The following TMEM232 variants were observed in gnomAD, a reference collection of about 807,000 sequenced individuals.
The protein encoded by TMEM232 is transmembrane protein 232.
TMEM232 carries 80 observed loss-of-function variants against 78.8 expected under a neutral mutation model. The observed-to-expected ratio is 1.01, with a 90% CI of 0.85 to 1.22. TMEM232 has a LOEUF of 1.22. TMEM232 is among the 50% of genes most tolerant of loss of function. The probability of loss-of-function intolerance (pLI) is 0.00; values close to 1 mark genes in which losing one functional copy is unlikely to be tolerated. For synonymous variants in TMEM232, 297 were observed against 254.3 expected (o/e 1.17, Z -1.60); for missense variants, 881 against 742.2 (o/e 1.19, Z -2.17).
At chr5:110,667,423 T>C (rs1402069410) in intron 1 of TMEM232, 59 bp from the exon 2 acceptor site, 2 of 1,291,572 alleles carry the variant, frequency 1.5e-6, no homozygotes, top group Non-Finnish European at 2.0e-6. Flanking sequence ...TCAAACAACA[T>C]GTTATGCAAA....
intron 10 of TMEM232, among the ~76,000 whole-genome samples, chr5:110,600,371 G>A: frequency 6.6e-6 from 1 of 152,082 alleles, no homozygotes; most frequent in South Asian, 2.1e-4. Flanking sequence ...AATGAATCCA[G>A]GAGCTGGTTT....
At chr5:110,625,507 A>C in intron 6 of TMEM232, 74 bp from the exon 7 acceptor site, 1 of 1,317,246 alleles carries the variant, frequency 7.6e-7, no homozygotes, top group East Asian at 2.7e-5. Flanking sequence ...TCTTTTAGCT[A>C]TTAAACTATA....
At chr5:110,644,374 A>G (rs1045288514) in intron 2 of TMEM232, among the ~76,000 whole-genome samples, 8 of 151,956 alleles carry the variant, frequency 5.3e-5, no homozygotes, top group Admixed American at 3.3e-4. Flanking sequence ...TAATATCATT[A>G]GGAATTATGT....
intron 7 of TMEM232, among the ~76,000 whole-genome samples, chr5:110,618,939 A>G (rs1185388980): frequency 6.6e-6 from 1 of 152,218 alleles, no homozygotes; most frequent in Admixed American, 6.5e-5. Context: ...AAATGCTAAC[A>G]GCAAATTATG....
rs559155681 is a variant in TMEM232 at position 110,671,929 on chromosome 5, T to C, written c.-12-4565A>G. Among the ~76,000 whole-genome samples, 807 of 152,188 alleles carry C rather than the reference T, an allele frequency of 5.3e-3. 1 individual carries two copies. Among genetic ancestry groups the C allele is most frequent in the Non-Finnish European group, 7.9e-3 (535 of 68,002 alleles). ...CCCACTATTCACAAAATATTGCATA[T>C]ATCAGAAATATCTAGAAATATAAAA... On this transcript the variant is annotated intron_variant, in intron 1 of 13. Transcript: ENST00000455884.
At chr5:110,667,152 A>ATT in intron 2 of TMEM232, 76 bp downstream of exon 2, 13 of 1,169,020 alleles carry the variant, frequency 1.1e-5, no homozygotes, top group Admixed American at 3.6e-5. Context: ...CTATGGGTGA[A>ATT]TTTTTTTTTT....
chr5:110,431,008 A>T (rs1255161287), intron 12 of TMEM232, among the ~76,000 whole-genome samples: 1 of 151,648 alleles, frequency 6.6e-6, no homozygotes, highest in African/African-American at 2.4e-5. Context: ...AAATCCCGGC[A>T]GAGAAATTTT....
intron 12 of TMEM232, among the ~76,000 whole-genome samples, chr5:110,472,686 A>G (rs1166978080): frequency 6.6e-6 from 1 of 152,006 alleles, no homozygotes; most frequent in African/African-American, 2.4e-5. Flanking sequence ...CTACAAAGCT[A>G]TAATAACAAA....
At position 110,676,292 on chromosome 5, in the gene TMEM232, G is replaced by C. The variant is rs186569135; in HGVS notation, c.-12-8928C>G. ...TACCATTGAATACATACCCAGTAGT[G>C]GGATGGTTGGTTCCTAAGGTAGTTC... On this transcript the variant is annotated intron_variant, in intron 1 of 13. Transcript: ENST00000455884. 1.2e-4 allele frequency among the ~76,000 whole-genome samples: 18 copies of C among 152,088 alleles called. No homozygotes were observed. In the East Asian group the frequency reaches 3.5e-3, roughly 29 times the overall value.
rs56155603 is a variant in TMEM232 at position 110,445,636 on chromosome 5, C to A, written c.1704-20720G>T. ...CCATTTCAGGTTTTTGGGCCATGGT[C>A]TCTGGCACAGGGTCTCTCCAAAGGT... On this transcript the variant is annotated intron_variant, in intron 12 of 13. Transcript: ENST00000455884. 4.3e-3 allele frequency among the ~76,000 whole-genome samples: 650 copies of A among 152,220 alleles called. 4 individuals carry two copies. The highest frequency in any genetic ancestry group is 0.015 in the African/African-American group (625 of 41,530).
At chr5:110,549,078 A>C (rs1774133614) in intron 11 of TMEM232, among the ~76,000 whole-genome samples, 1 of 152,096 alleles carries the variant, frequency 6.6e-6, no homozygotes, top group South Asian at 2.1e-4. Flanking sequence ...GATAATTAAA[A>C]TATTGCTTAT....
At chr5:110,453,932 T>C (rs1760595603) in intron 12 of TMEM232, among the ~76,000 whole-genome samples, 1 of 151,270 alleles carries the variant, frequency 6.6e-6, no homozygotes, top group African/African-American at 2.4e-5. Flanking sequence ...ATGTGATTAA[T>C]AAAAAAAATC....
At chr5:110,490,138 AAAG>A in intron 12 of TMEM232, among the ~76,000 whole-genome samples, 1 of 102,436 alleles carries the variant, frequency 9.8e-6, no homozygotes, top group East Asian at 2.9e-4. Context: ...AGAAAGAAAG[AAAG>A]AAAGAAAGAA....
chr5:110,450,943 C>G (rs1193113934), intron 12 of TMEM232, among the ~76,000 whole-genome samples: 1 of 152,060 alleles, frequency 6.6e-6, no homozygotes, highest in East Asian at 1.9e-4. Context: ...CTACTCTAGG[C>G]CTTCCAAGAG....
chr5:110,457,549 A>G (rs1323871024), intron 12 of TMEM232, among the ~76,000 whole-genome samples: 2 of 152,146 alleles, frequency 1.3e-5, no homozygotes, highest in Non-Finnish European at 2.9e-5. Flanking sequence ...ACTTTTACAT[A>G]AATGTTTATA....
At chr5:110,504,005 T>C (rs1766575654) in intron 12 of TMEM232, among the ~76,000 whole-genome samples, 1 of 152,214 alleles carries the variant, frequency 6.6e-6, no homozygotes, top group African/African-American at 2.4e-5. Flanking sequence ...TCAGACAATG[T>C]ATTCCTTGGA....
At chr5:110,411,722 G>T (rs1756001704) in intron 2 of TMEM232, among the ~76,000 whole-genome samples, 1 of 152,126 alleles carries the variant, frequency 6.6e-6, no homozygotes, top group Admixed American at 6.6e-5. Flanking sequence ...ATTTCACTGA[G>T]AATGGTGCCC....
intron 10 of TMEM232, among the ~76,000 whole-genome samples, chr5:110,595,887 T>A (rs1038047572): frequency 6.6e-6 from 1 of 152,040 alleles, no homozygotes; most frequent in Admixed American, 6.6e-5. Flanking sequence ...CCCAACCTAG[T>A]AAGAGAGGCC....
intron 11 of TMEM232, among the ~76,000 whole-genome samples, chr5:110,535,861 G>T (rs1040638332): frequency 6.6e-6 from 1 of 152,258 alleles, no homozygotes; most frequent in Admixed American, 6.5e-5. Context: ...ATTCTCACTG[G>T]CTTCCTAGAA....
Sources: allele counts gnomAD v4.1 joint callset (sites outside exome capture counted in the v4.1 genomes callset), GRCh38; gene constraint gnomAD v4.1.1; transcripts MANE v1.5; gene names NCBI Gene and HGNC (gene_info 2026-07-23, HGNC 2026-07-21).